PCDHA1: variants seen among roughly 807,000 people sequenced by gnomAD.
PCDHA1 encodes protocadherin alpha-1.
In PCDHA1, 42 loss-of-function variants were observed where a neutral mutation model predicts 61.3. The ratio of observed to expected loss-of-function variants is 0.69; its 90% CI spans 0.54 to 0.89. The LOEUF (loss-of-function observed/expected upper bound fraction) is 0.89. PCDHA1 is among the 40% of genes least tolerant of loss of function. The probability of loss-of-function intolerance (pLI) is 0.00; values close to 1 mark genes in which losing one functional copy is unlikely to be tolerated. For missense variants in PCDHA1, 1,256 were observed against 1,235.3 expected (o/e 1.02, Z -0.25); for synonymous variants, 610 against 553.8 (o/e 1.10, Z -1.43).
chr5:140,828,159 C>G lies in PCDHA1; in HGVS notation c.2394+39475C>G, dbSNP rs2150151568. On this transcript the variant is annotated intron_variant, in intron 1 of 3. Transcript: ENST00000504120. Reference sequence around the variant, plus strand: ...CTCCTCCCGCTTCTGCTCCTCGCAGCCTGGAAGGTGGGGAGCGGCCAGCTC... The same window carrying G: ...CTCCTCCCGCTTCTGCTCCTCGCAGGCTGGAAGGTGGGGAGCGGCCAGCTC... 4 of 1,614,180 alleles carry G rather than the reference C, an allele frequency of 2.5e-6. No individual in the cohort carries two copies.
intron 1 of PCDHA1, chr5:140,884,143 G>A: frequency 6.2e-7 from 1 of 1,613,438 alleles, no homozygotes; most frequent in Non-Finnish European, 8.5e-7. Context: ...TCCGCGTGGG[G>A]CTGTACACTG....
chr5:140,915,626 GTCTCTC>G (rs57920489), intron 1 of PCDHA1, among the ~76,000 whole-genome samples: 2,942 of 146,518 alleles, frequency 0.02, 88 homozygotes, highest in African/African-American at 0.07. Context: ...GTCTCTTTCT[GTCTCTC>G]TCTCTCTCTC....
intron 2 of PCDHA1, chr5:140,982,257 G>A: frequency 1.2e-6 from 1 of 804,182 alleles, no homozygotes; most frequent in Admixed American, 3.3e-5. Context: ...TAGAACATGT[G>A]TGTTCCTGGA....
rs2150314365 is a variant in PCDHA1 at position 140,841,377 on chromosome 5, T to C, written c.2394+52693T>C. On this transcript the variant is annotated intron_variant, in intron 1 of 3. Transcript: ENST00000504120. ...TCCTGGCGACTACTACTCTTGCTTC[T>C]GCTCCTCGCAGCCTGGAAGGTGGGG... is the stretch of plus-strand genomic sequence containing the variant. 2.2e-5 allele frequency: 35 copies of C among 1,613,546 alleles called. No homozygotes were observed. The South Asian group carries it at 2.3e-4, about 11-fold the overall frequency.
intron 1 of PCDHA1, chr5:140,877,865 T>C (rs1554170196): frequency 1.3e-6 from 2 of 1,496,610 alleles, no homozygotes; most frequent in South Asian, 2.8e-5. Flanking sequence ...TATTTAGATA[T>C]ATTTGTTTCC....
chr5:140,882,474 A>G, intron 1 of PCDHA1: 1 of 1,614,054 alleles, frequency 6.2e-7, no homozygotes, highest in Non-Finnish European at 8.5e-7. Context: ...GTGGCGTCCA[A>G]AAGACACGGG....
In PCDHA1 at chr5:140,853,104, C is replaced by T. The variant is rs1299242689; in HGVS notation, c.2394+64420C>T. 2.1e-5 allele frequency: 8 copies of T among 388,186 alleles called. 1 individual carries two copies. The highest frequency in any genetic ancestry group is 4.4e-5 in the African/African-American group (2 of 45,392). 24.0% of individuals were successfully genotyped at this position (388,186 alleles called of 1,614,324 possible). A position where few individuals can be genotyped will look rare whatever the true frequency, so the allele number is the denominator to read the frequency against. ...CCGTGTTAGTCAGGATGGTCTCGAT[C>T]TCCTGACCTCATGATCCTCCCGCCT... On this transcript the variant is annotated intron_variant, in intron 1 of 3. Coordinates refer to ENST00000504120, the MANE Select transcript of PCDHA1 (RefSeq NM_018900.4).
At position 140,934,119 on chromosome 5, in the gene PCDHA1, C is replaced by A. The variant is rs1339301991; in HGVS notation, c.2395-44830C>A. Among the ~76,000 whole-genome samples, 6 of 152,170 alleles carry A rather than the reference C, an allele frequency of 3.9e-5. No individual in the cohort carries two copies. In the East Asian group the frequency reaches 1.2e-3, roughly 29 times the overall value. ...GCTTTCTATTTTATTAATTTTCATA[C>A]TTTATTAATTTATTTCCTTCCTTAT... On this transcript the variant is annotated intron_variant, in intron 1 of 3. Transcript: ENST00000504120.
At chr5:140,990,772 C>T (rs1554251728) in intron 3 of PCDHA1, among the ~76,000 whole-genome samples, 1 of 152,164 alleles carries the variant, frequency 6.6e-6, no homozygotes, top group African/African-American at 2.4e-5. Context: ...AAATTTGGCT[C>T]TGTGTTGGAC....
rs782509590 is a variant in PCDHA1, at chr5:140,786,413, C to A, written c.123C>A (p.His41Gln). The change falls in exon 1 of 4, where the codon CAC becomes CAA. Residue 41 changes from histidine (H) to glutamine (Q), a missense_variant. His to Gln is a conservative substitution (Grantham distance 24). Transcript: ENST00000504120. ...ACTCGATCCCGGAGGAAGCCAAACACGGCACCTTCGTTGGCCGCGTTGCTC... is the reference window on the plus strand; with the variant it reads ...ACTCGATCCCGGAGGAAGCCAAACAAGGCACCTTCGTTGGCCGCGTTGCTC... ...LHYSIPEEAK[H>Q]GTFVGRVAQD... 3.1e-6 allele frequency: 5 copies of A among 1,613,384 alleles called. No homozygotes were observed. Among genetic ancestry groups the A allele is most frequent in the South Asian group, 2.2e-5 (2 of 91,056 alleles).
chr5:140,858,822 T>C (rs1334522952), intron 1 of PCDHA1: 2 of 340,086 alleles, frequency 5.9e-6, no homozygotes, highest in Non-Finnish European at 1.1e-5. Context: ...TGATTGTATT[T>C]GCATTACCAA....
chr5:140,808,638 C>T (rs144422081), intron 1 of PCDHA1: 7 of 1,613,310 alleles, frequency 4.3e-6, no homozygotes, highest in Non-Finnish European at 5.9e-6. Flanking sequence ...GACGCGGACG[C>T]GCAGGAGAAC....
At chr5:140,877,097 T>G in intron 1 of PCDHA1, 1 of 1,613,308 alleles carries the variant, frequency 6.2e-7, no homozygotes. Context: ...GACGCCGGCG[T>G]GCCGCCTCTG....
intron 1 of PCDHA1, among the ~76,000 whole-genome samples, chr5:140,937,894 A>G (rs1554211868): frequency 6.6e-6 from 1 of 150,462 alleles, no homozygotes; most frequent in Non-Finnish European, 1.5e-5. Context: ...CCTGGGCGAC[A>G]GAGTGAGACT....
chr5:140,870,175 G>C (rs2051727190), intron 1 of PCDHA1: 1 of 1,614,012 alleles, frequency 6.2e-7, no homozygotes, highest in South Asian at 1.1e-5. Context: ...GTCCCTCCCA[G>C]TACGAGAGGA....
At chr5:140,807,248 C>T (rs782639557) in intron 1 of PCDHA1, 17 of 1,614,108 alleles carry the variant, frequency 1.1e-5, no homozygotes, top group East Asian at 2.2e-5. Context: ...ACTTCTTCTC[C>T]TCGCAGCCTG....
At chr5:140,884,440 G>A in intron 1 of PCDHA1, 1 of 1,613,830 alleles carries the variant, frequency 6.2e-7, no homozygotes, top group Non-Finnish European at 8.5e-7. Flanking sequence ...TGCGGTGCTC[G>A]GCACCGCCCA....
intron 1 of PCDHA1, chr5:140,823,650 G>C: frequency 6.2e-7 from 1 of 1,613,996 alleles, no homozygotes; most frequent in Non-Finnish European, 8.5e-7. Flanking sequence ...GCGTGGGGCT[G>C]TACACAGGCG....
Position 140,786,173 on chromosome 5 carries a change from T to G in PCDHA1, c.-118T>G. ...CTAAAAGTGAAGGAGGAAGCTCCAT[T>G]TTGTCACCGCCTGAGAGAAGACAGA... On this transcript the variant is annotated 5_prime_UTR_variant, in exon 1 of 4. In the 5' UTR this introduces an upstream ATG that the reference lacks. Transcript: ENST00000504120. The G allele has an allele frequency of 7.4e-7, 1 of 1,352,368 alleles. No homozygotes were observed. Among genetic ancestry groups the G allele is most frequent in the Non-Finnish European group, 1.0e-6 (1 of 992,396 alleles). 83.8% of individuals were successfully genotyped at this position (1,352,368 alleles called of 1,614,324 possible).
Sources: allele counts gnomAD v4.1 joint callset (sites outside exome capture counted in the v4.1 genomes callset), GRCh38; gene constraint gnomAD v4.1.1; transcripts MANE v1.5; gene names NCBI Gene and HGNC (gene_info 2026-07-23, HGNC 2026-07-21).